TUSC3: variants seen among roughly 807,000 people sequenced by gnomAD.
The protein encoded by TUSC3 is dolichyl-diphosphooligosaccharide--protein glycosyltransferase subunit TUSC3.
Under a neutral mutation model 44.8 loss-of-function variants are expected in TUSC3, and 45 were observed. That is an observed-to-expected ratio of 1.00 (90% CI 0.79 to 1.29). TUSC3 has a LOEUF of 1.29. TUSC3 is among the 50% of genes most tolerant of loss of function. The probability of loss-of-function intolerance (pLI) is 0.00; values close to 1 mark genes in which losing one functional copy is unlikely to be tolerated. For synonymous variants in TUSC3, 212 were observed against 152.9 expected (o/e 1.39, Z -2.85); for missense variants, 519 against 437.9 (o/e 1.19, Z -1.65).
the TUSC3 span, among the ~76,000 whole-genome samples, chr8:15,817,353 A>AAT: frequency 6.6e-6 from 1 of 151,616 alleles, no homozygotes; most frequent in African/African-American, 2.4e-5. Context: ...GACTTGAAAA[A>AAT]AAAAAGAAGG....
intron 6 of TUSC3, among the ~76,000 whole-genome samples, chr8:15,719,193 A>T (rs1409375296): frequency 3.9e-5 from 6 of 152,076 alleles, no homozygotes; most frequent in Non-Finnish European, 8.8e-5. Flanking sequence ...TCAGAATAAC[A>T]TCTAAGTCTT....
intron 1 of TUSC3, among the ~76,000 whole-genome samples, chr8:15,443,336 T>TTGTGTGTGTGTGTG (rs57905950): frequency 3.8e-5 from 5 of 132,996 alleles, no homozygotes; most frequent in East Asian, 4.8e-4. Flanking sequence ...ACCCACCTAA[T>TTGTGTGTGTGTGTG]TGTGTGTGTG....
chr8:15,748,730 T>G, intron 9 of TUSC3: 1 of 599,872 alleles, frequency 1.7e-6, no homozygotes, highest in Non-Finnish European at 3.2e-6. Context: ...AAGCTCATTT[T>G]GAGGACTTGA....
the TUSC3 span, among the ~76,000 whole-genome samples, chr8:15,773,242 T>A: frequency 5.3e-5 from 8 of 152,156 alleles, no homozygotes; most frequent in Non-Finnish European, 7.4e-5. Context: ...GAAGAATTTT[T>A]TAAATGATTA....
intron 2 of TUSC3, among the ~76,000 whole-genome samples, chr8:15,521,345 G>A (rs1801294612): frequency 6.6e-6 from 1 of 152,064 alleles, no homozygotes; most frequent in East Asian, 1.9e-4. Flanking sequence ...ACCTGGTGGG[G>A]GACCTGTCAC....
At chr8:15,800,098 T>A in the TUSC3 span, among the ~76,000 whole-genome samples, 1 of 152,204 alleles carries the variant, frequency 6.6e-6, no homozygotes, top group African/African-American at 2.4e-5. Flanking sequence ...ACTTATCCTT[T>A]GTTACAGGGG....
chr8:15,657,689 A>G (rs1282191421), intron 3 of TUSC3, among the ~76,000 whole-genome samples: 2 of 152,092 alleles, frequency 1.3e-5, no homozygotes, highest in Non-Finnish European at 2.9e-5. Context: ...ATGCTCTTCC[A>G]GATTCTTTCA....
chr8:15,462,099 G>T (rs983271373), intron 1 of TUSC3, among the ~76,000 whole-genome samples: 3 of 152,016 alleles, frequency 2.0e-5, no homozygotes, highest in Admixed American at 2.0e-4. Flanking sequence ...TAGCAGCCAG[G>T]AGAGAAGCAT....
intron 2 of TUSC3, among the ~76,000 whole-genome samples, chr8:15,524,590 G>T (rs1045237723): frequency 1.3e-5 from 2 of 152,136 alleles, no homozygotes; most frequent in Non-Finnish European, 2.9e-5. Flanking sequence ...AAGTCTCAAA[G>T]AGCGTAATTG....
At chr8:15,733,597 A>T (rs549531977) in intron 7 of TUSC3, 1 of 185,758 alleles carries the variant, frequency 5.4e-6, no homozygotes, top group East Asian at 1.7e-4. Flanking sequence ...GTTTTCATAT[A>T]GATCTTAGCA....
chr8:15,821,600 GT>G, the TUSC3 span, among the ~76,000 whole-genome samples: 4 of 149,536 alleles, frequency 2.7e-5, no homozygotes, highest in Non-Finnish European at 5.9e-5. Flanking sequence ...TTTTTTAGGA[GT>G]TTTATCTACC....
intron 1 of TUSC3, among the ~76,000 whole-genome samples, chr8:15,478,971 A>G (rs773051193): frequency 8.5e-5 from 13 of 152,104 alleles, no homozygotes; most frequent in Non-Finnish European, 1.8e-4. Context: ...AATAACCATC[A>G]TTGTGACTGG....
At chr8:15,704,950 A>T (rs1433820672) in intron 6 of TUSC3, among the ~76,000 whole-genome samples, 1 of 26,016 alleles carries the variant, frequency 3.8e-5, no homozygotes, top group African/African-American at 9.8e-5. Flanking sequence ...ATTCTTTAAA[A>T]AAAAAAAAAT....
chr8:15,823,656 A>G, the TUSC3 span, among the ~76,000 whole-genome samples: 2 of 152,218 alleles, frequency 1.3e-5, no homozygotes, highest in Non-Finnish European at 2.9e-5. Flanking sequence ...GTTTCTCCAT[A>G]TAAAATGTTT....
At position 15,422,294 on chromosome 8, in the gene TUSC3, C is replaced by G. The variant is rs562082652; in HGVS notation, n.91+4989C>G. ...CTTCTGTTGGTTTATTCTGTTTTATCCTATTCTATTACATTATGTTCCATT... is the reference window on the plus strand; with the variant it reads ...CTTCTGTTGGTTTATTCTGTTTTATGCTATTCTATTACATTATGTTCCATT... On this transcript the variant is annotated intron_variant and non_coding_transcript_variant, in intron 1 of 5. Coordinates refer to the TUSC3 transcript ENST00000503191. 5.9e-5 allele frequency among the ~76,000 whole-genome samples: 9 copies of G among 152,192 alleles called. No individual in the cohort carries two copies. In the East Asian group the frequency reaches 9.7e-4, roughly 16 times the overall value.
chr8:15,741,728 A>G (rs1811205785), intron 7 of TUSC3, among the ~76,000 whole-genome samples: 1 of 152,182 alleles, frequency 6.6e-6, no homozygotes, highest in Non-Finnish European at 1.5e-5. Context: ...TAGTAAAATA[A>G]TCTGCAATTC....
intron 6 of TUSC3, among the ~76,000 whole-genome samples, chr8:15,674,132 A>G (rs1301496936): frequency 1.3e-5 from 2 of 152,066 alleles, no homozygotes; most frequent in African/African-American, 4.8e-5. Context: ...TGGCGATAAC[A>G]TGTAACCCCA....
At chr8:15,755,270 A>G (rs1036544833) in intron 9 of TUSC3, among the ~76,000 whole-genome samples, 4 of 152,140 alleles carry the variant, frequency 2.6e-5, no homozygotes, top group African/African-American at 2.4e-5. Flanking sequence ...TCGTTCAACT[A>G]TTAGAAAGAT....
At chr8:15,818,813 A>G in the TUSC3 span, among the ~76,000 whole-genome samples, 24,303 of 152,194 alleles carry the variant, frequency 0.16, 2,406 homozygotes, top group African/African-American at 0.28. Context: ...ACTCAGGAAA[A>G]TCATACATTA....
Sources: gnomAD v4.1 joint callset for allele counts (sites outside exome capture counted in the v4.1 genomes callset) on GRCh38, gnomAD v4.1.1 for gene constraint, MANE v1.5 for transcripts, NCBI Gene and HGNC (gene_info 2026-07-23, HGNC 2026-07-21) for gene names.